IFFO1: variants seen among roughly 807,000 people sequenced by gnomAD.
The protein encoded by IFFO1 is intermediate filament family orphan 1.
In IFFO1, 42 loss-of-function variants were observed where a neutral mutation model predicts 59.6. The observed-to-expected ratio is 0.70, with a 90% CI of 0.55 to 0.91. The LOEUF (loss-of-function observed/expected upper bound fraction) is 0.91. Ranked by LOEUF, IFFO1 falls within the 40% of genes least tolerant of loss-of-function variation. IFFO1 has a pLI of 0.00. For missense variants in IFFO1, 711 were observed against 793.2 expected (o/e 0.90, Z 1.24); for synonymous variants, 336 against 342.8 (o/e 0.98, Z 0.22).
At chr12:6,545,952 A>G (rs1946942209) in intron 8 of IFFO1, among the ~76,000 whole-genome samples, 1 of 152,218 alleles carries the variant, frequency 6.6e-6, no homozygotes, top group African/African-American at 2.4e-5. Context: ...TGCTCCCTTT[A>G]AGTGAAAAGG....
At position 6,548,572 on chromosome 12, in the gene IFFO1, G is replaced by A. The variant is rs1462720226; in HGVS notation, c.1263-27C>T. On this transcript the variant is annotated intron_variant, in intron 6 of 9. Coordinates refer to ENST00000619571, the MANE Select transcript of IFFO1 (RefSeq NM_001193457.2). This position sits in a 1 kb window ranked among gnomAD's most constrained non-coding sequence, Gnocchi z 6.1. ...TAGAGACAGGGAACCCGGGTGTCAGGGCGGGCGGGGCCTCGTCCTGGCGGG... is the reference window on the plus strand; with the variant it reads ...TAGAGACAGGGAACCCGGGTGTCAGAGCGGGCGGGGCCTCGTCCTGGCGGG... 6.2e-7 allele frequency: 1 copy of A among 1,613,396 alleles called. No individual in the cohort carries two copies. Among genetic ancestry groups the A allele is most frequent in the East Asian group, 2.2e-5 (1 of 44,880 alleles).
rs575786899 is a variant in IFFO1, at chr12:6,540,380, C to A, written c.*103G>T. ...AGCGCCCCAGTCCCCAGGGACCGGCCTGGTGCAGAGCTGCAGCTGATGTTC... is the reference window on the plus strand; with the variant it reads ...AGCGCCCCAGTCCCCAGGGACCGGCATGGTGCAGAGCTGCAGCTGATGTTC... On this transcript the variant is annotated 3_prime_UTR_variant, in exon 10 of 10. Transcript: ENST00000619571. 5.1e-6 allele frequency: 5 copies of A among 973,534 alleles called. No homozygotes were observed. In the African/African-American group the frequency reaches 7.9e-5, roughly 15 times the overall value. The allele number at this position is 973,534 out of a possible 1,614,324, so 60.3% of individuals were successfully genotyped here. A position where few individuals can be genotyped will look rare whatever the true frequency, so the allele number is the denominator to read the frequency against.
In IFFO1 at chr12:6,551,537, C is replaced by G. The variant is rs758221791; in HGVS notation, c.774-536G>C. On this transcript the variant is annotated intron_variant, in intron 1 of 9. Transcript: ENST00000619571. ...CACATAGTGTATCAACAGAGTGGGT[C>G]AAGAGCCTGGTAGGAGACACTCAAA... 4.1e-6 allele frequency: 5 copies of G among 1,217,976 alleles called. No individual in the cohort carries two copies. The South Asian group carries it at 6.3e-5, about 15-fold the overall frequency. 75.4% of individuals were successfully genotyped at this position (1,217,976 alleles called of 1,614,324 possible).
chr12:6,546,665 A>G (rs1454643972), intron 8 of IFFO1, among the ~76,000 whole-genome samples: 1 of 146,352 alleles, frequency 6.8e-6, no homozygotes, highest in Non-Finnish European at 1.5e-5. Context: ...TTTTTTTTGT[A>G]TTTTTCGTAG....
intron 8 of IFFO1, chr12:6,543,668 T>C (rs1330793441): frequency 1.3e-5 from 2 of 152,184 alleles, no homozygotes; most frequent in African/African-American, 4.8e-5. Flanking sequence ...GTAATAATAA[T>C]AGAAATAAAG....
intron 1 of IFFO1, among the ~76,000 whole-genome samples, chr12:6,552,070 G>C (rs1018158220): frequency 4.6e-5 from 7 of 152,182 alleles, no homozygotes; most frequent in African/African-American, 1.4e-4. Flanking sequence ...GAGAAGGGAG[G>C]GGAACTGCAC....
intron 1 of IFFO1, chr12:6,551,956 C>A (rs749972054): frequency 5.7e-6 from 1 of 175,904 alleles, no homozygotes; most frequent in African/African-American, 2.4e-5. Flanking sequence ...GCCAGGGCAA[C>A]GTGCTGCTTA....
chr12:6,546,407 A>C (rs1377284988), intron 8 of IFFO1, among the ~76,000 whole-genome samples: 3 of 152,244 alleles, frequency 2.0e-5, no homozygotes, highest in Non-Finnish European at 4.4e-5. Context: ...CCAGGCCAGG[A>C]GAGCTCACGG....
intron 1 of IFFO1, among the ~76,000 whole-genome samples, chr12:6,553,810 G>T (rs936050926): frequency 6.6e-6 from 1 of 152,030 alleles, no homozygotes; most frequent in South Asian, 2.1e-4. Flanking sequence ...TGTGTTCAAC[G>T]CCACTTCTTG....
chr12:6,546,552 C>T (rs575751164), intron 8 of IFFO1, among the ~76,000 whole-genome samples: 2 of 152,282 alleles, frequency 1.3e-5, no homozygotes, highest in South Asian at 2.1e-4. Context: ...GGTGCGATCT[C>T]GGCTCACTGC....
Position 6,549,342 on chromosome 12 carries a change from A to G in IFFO1, c.1080+134T>C. The G allele has an allele frequency of 7.6e-6, 6 of 785,796 alleles. No individual in the cohort carries two copies. Among genetic ancestry groups the G allele is most frequent in the Non-Finnish European group, 1.3e-5 (6 of 460,070 alleles). The allele number at this position is 785,796 out of a possible 1,614,324, so 48.7% of individuals were successfully genotyped here. ...AGAGATAGAGAGAAAAAGGGGGAAG[A>G]GCAAGGAAAAGGGAAAGGGCAGAAA... On this transcript the variant is annotated intron_variant, in intron 5 of 9. Transcript: ENST00000619571. The surrounding 1 kb of genome is among the most constrained non-coding windows in gnomAD (Gnocchi z 5.0).
At chr12:6,550,637 A>G in intron 3 of IFFO1, 58 bp downstream of exon 3, 1 of 1,350,362 alleles carries the variant, frequency 7.4e-7, no homozygotes, top group Non-Finnish European at 1.1e-6. Context: ...AGAAGGGCCT[A>G]CTCTTCTGGC....
In IFFO1 at chr12:6,555,327, T is replaced by G. The variant is rs772775861; in HGVS notation, c.703A>C (p.Thr235Pro). ...DGVGVQIDTITPEIRALYNVL... is the reference protein window; with the variant it reads ...DGVGVQIDTIPPEIRALYNVL... ...TTGTAGAGAGCGCGGATCTCGGGCGTGATGGTGTCGATCTGGACGCCCACC... is the reference window on the plus strand; with the variant it reads ...TTGTAGAGAGCGCGGATCTCGGGCGGGATGGTGTCGATCTGGACGCCCACC... The change falls in exon 1 of 10, where the codon ACG (threonine) becomes CCG (proline). Residue 235 changes from threonine (T) to proline (P), a missense_variant. Around this residue, in one of 3 missense-constraint regions of IFFO1, gnomAD observed 579 missense variants for 650.3 expected, o/e 0.89. Transcript: ENST00000619571. The surrounding 1 kb of genome is among the most constrained non-coding windows in gnomAD (Gnocchi z 8.6). 1 of 1,614,064 alleles carries G rather than the reference T, an allele frequency of 6.2e-7. No homozygotes were observed. The highest frequency in any genetic ancestry group is 2.2e-5 in the East Asian group (1 of 44,866).
intron 8 of IFFO1, among the ~76,000 whole-genome samples, chr12:6,546,009 G>C (rs1427507207): frequency 2.0e-5 from 3 of 152,234 alleles, no homozygotes; most frequent in Non-Finnish European, 4.4e-5. Context: ...GCTGAGGTTG[G>C]TAAGCTCTAC....
intron 8 of IFFO1, among the ~76,000 whole-genome samples, chr12:6,545,692 C>T (rs998045869): frequency 5.1e-5 from 7 of 136,968 alleles, no homozygotes; most frequent in Admixed American, 1.5e-4. Flanking sequence ...AGCGAGACTC[C>T]GTCTCGGAAA....
chr12:6,551,479 GT>G, intron 1 of IFFO1: 1 of 1,291,774 alleles, frequency 7.7e-7, no homozygotes, highest in Non-Finnish European at 1.0e-6. Context: ...GCCTCTTGTG[GT>G]ATCATTTAAC....
chr12:6,541,507 C>T lies in IFFO1; in HGVS notation c.1610+5G>A, dbSNP rs1946708704. 9 of 1,613,452 alleles carry T rather than the reference C, an allele frequency of 5.6e-6. No homozygotes were observed. Among genetic ancestry groups the T allele is most frequent in the South Asian group, 1.1e-5 (1 of 91,072 alleles). ...GAAGGCCCCATGCCCAGGGGAGGCG[C>T]CTACCGGTCTCCAGACTGGGTGATG... On this transcript the variant is annotated splice_donor_5th_base_variant and intron_variant, in intron 9 of 9. Coordinates refer to ENST00000619571, the MANE Select transcript of IFFO1 (RefSeq NM_001193457.2). This position sits in a 1 kb window ranked among gnomAD's most constrained non-coding sequence, Gnocchi z 4.8.
chr12:6,548,017 C>G lies in IFFO1; in HGVS notation c.1479+48G>C. The G allele has an allele frequency of 6.9e-7, 1 of 1,453,486 alleles. No homozygotes were observed. The highest frequency in any genetic ancestry group is 1.7e-5 in the Admixed American group (1 of 59,792). 90.0% of individuals were successfully genotyped at this position (1,453,486 alleles called of 1,614,324 possible). A position where few individuals can be genotyped will look rare whatever the true frequency, so the allele number is the denominator to read the frequency against. On this transcript the variant is annotated intron_variant, in intron 8 of 9. Coordinates refer to ENST00000619571, the MANE Select transcript of IFFO1 (RefSeq NM_001193457.2). This position sits in a 1 kb window ranked among gnomAD's most constrained non-coding sequence, Gnocchi z 6.1. ...AGGCCACTGCGCCTGCAGCCCCACT[C>G]AAAACCCTCTGGGACACCACGCCCC... is the stretch of plus-strand genomic sequence containing the variant.
rs1157083995 is a variant in IFFO1, at chr12:6,541,021, C to A, written c.1611-433G>T. The stretch of plus-strand genomic sequence containing the variant: ...CTGGGAGGCGGAGGTTGTAGTGAGC[C>A]AAAAAAAAAAAAAAAAGAAATAGCT... On this transcript the variant is annotated intron_variant, in intron 9 of 9. Transcript: ENST00000619571. The surrounding 1 kb of genome is among the most constrained non-coding windows in gnomAD (Gnocchi z 4.8). 9.3e-4 allele frequency among the ~76,000 whole-genome samples: 124 copies of A among 133,032 alleles called. No individual in the cohort carries two copies. The highest frequency in any genetic ancestry group is 9.5e-4 in the African/African-American group (34 of 35,950). 87.3% of individuals were successfully genotyped at this position (133,032 alleles called of 152,430 possible).
Sources: gnomAD v4.1 joint callset for allele counts (sites outside exome capture counted in the v4.1 genomes callset) on GRCh38, gnomAD v4.1.1 for gene constraint, gnomAD v4.1.1 regional missense constraint, Gnocchi (gnomAD v3.1) non-coding constraint, MANE v1.5 for transcripts, NCBI Gene and HGNC (gene_info 2026-07-23, HGNC 2026-07-21) for gene names.